The following GULP1 variants were observed in gnomAD, a reference collection of about 807,000 sequenced individuals.
GULP1 encodes GULP PTB domain containing engulfment adaptor 1.
Under a neutral mutation model 40.9 loss-of-function variants are expected in GULP1, and 19 were observed. The observed-to-expected ratio is 0.46, with a 90% CI of 0.32 to 0.68. The LOEUF is 0.68. Among genes scored for constraint, GULP1 ranks in the 30% least tolerant of loss-of-function variants. The pLI is 0.03. For missense variants in GULP1, 312 were observed against 362.2 expected (o/e 0.86, Z 1.12); for synonymous variants, 119 against 117.6 (o/e 1.01, Z -0.08).
chr2:188,432,268 T>C (rs1056355138), intron 2 of GULP1, among the ~76,000 whole-genome samples: 2 of 151,712 alleles, frequency 1.3e-5, no homozygotes, highest in African/African-American at 4.8e-5. Flanking sequence ...CATGACAAGC[T>C]CATTTATAAG....
At chr2:188,405,877 C>A (rs1047546592) in intron 2 of GULP1, among the ~76,000 whole-genome samples, 4 of 152,174 alleles carry the variant, frequency 2.6e-5, no homozygotes, top group Non-Finnish European at 5.9e-5. Flanking sequence ...GTGCAGACAT[C>A]AACTCATGCC....
chr2:188,382,548 C>G (rs750765274), intron 1 of GULP1, among the ~76,000 whole-genome samples: 2 of 152,146 alleles, frequency 1.3e-5, no homozygotes, highest in African/African-American at 2.4e-5. Context: ...CTGGGGCAAC[C>G]TAAACTGAGA....
chr2:188,340,416 G>A (rs760666040), intron 1 of GULP1, among the ~76,000 whole-genome samples: 9 of 152,158 alleles, frequency 5.9e-5, no homozygotes, highest in African/African-American at 2.2e-4. Context: ...TACCCCTCGC[G>A]GGAGGGGGAG....
At chr2:188,390,469 T>C (rs1432601299) in intron 2 of GULP1, among the ~76,000 whole-genome samples, 2 of 152,162 alleles carry the variant, frequency 1.3e-5, no homozygotes, top group African/African-American at 4.8e-5. Context: ...TTATTTGTTT[T>C]TTTCTTGCTG....
At chr2:188,377,110 T>C (rs1440287273) in intron 1 of GULP1, among the ~76,000 whole-genome samples, 1 of 151,618 alleles carries the variant, frequency 6.6e-6, no homozygotes, top group Non-Finnish European at 1.5e-5. Flanking sequence ...AGGCGGAGGT[T>C]GTGGTGAGCC....
intron 4 of GULP1, among the ~76,000 whole-genome samples, chr2:188,510,583 G>A (rs2064406537): frequency 6.6e-6 from 1 of 151,766 alleles, no homozygotes; most frequent in Admixed American, 6.6e-5. Context: ...AAGCAACTAA[G>A]AATATATTTA....
intron 1 of GULP1, among the ~76,000 whole-genome samples, chr2:188,348,404 C>T (rs2043986667): frequency 6.6e-6 from 1 of 152,106 alleles, no homozygotes; most frequent in African/African-American, 2.4e-5. Flanking sequence ...GTCATCCATC[C>T]AGTAATTGCT....
At chr2:188,310,526 A>G (rs1159231320) in intron 1 of GULP1, among the ~76,000 whole-genome samples, 1 of 152,208 alleles carries the variant, frequency 6.6e-6, no homozygotes, top group Non-Finnish European at 1.5e-5. Context: ...AGACAAGGAA[A>G]TATGAGACAA....
intron 1 of GULP1, among the ~76,000 whole-genome samples, chr2:188,378,908 A>G (rs888749393): frequency 6.6e-6 from 1 of 152,176 alleles, no homozygotes; most frequent in Non-Finnish European, 1.5e-5. Context: ...ACTGGGTAGA[A>G]GGTGTCTAAA....
At chr2:188,434,502 T>A (rs917205785) in intron 2 of GULP1, among the ~76,000 whole-genome samples, 3 of 151,468 alleles carry the variant, frequency 2.0e-5, no homozygotes, top group Non-Finnish European at 4.4e-5. Flanking sequence ...TGTTTTGGTT[T>A]ACTTCTTTGA....
intron 4 of GULP1, among the ~76,000 whole-genome samples, chr2:188,519,293 T>C (rs1165093358): frequency 6.6e-6 from 1 of 152,142 alleles, no homozygotes; most frequent in Non-Finnish European, 1.5e-5. Context: ...CAGCTAGAGG[T>C]TGATTCATTT....
chr2:188,584,043 T>C (rs1389874842), intron 9 of GULP1, among the ~76,000 whole-genome samples: 1 of 152,218 alleles, frequency 6.6e-6, no homozygotes, highest in Non-Finnish European at 1.5e-5. Context: ...TGAGAGCATT[T>C]TTACAGAAAT....
chr2:188,493,936 A>G (rs920855698), intron 4 of GULP1, among the ~76,000 whole-genome samples: 1 of 152,006 alleles, frequency 6.6e-6, no homozygotes, highest in African/African-American at 2.4e-5. Context: ...TACTTCTCTA[A>G]TAACTCAAAC....
At chr2:188,353,180 C>T (rs574354936) in intron 1 of GULP1, among the ~76,000 whole-genome samples, 1 of 152,140 alleles carries the variant, frequency 6.6e-6, no homozygotes, top group African/African-American at 2.4e-5. Flanking sequence ...TAGGAAAAGA[C>T]TTGGTAGGGA....
At chr2:188,430,448 G>A (rs551999273) in intron 2 of GULP1, among the ~76,000 whole-genome samples, 1 of 152,306 alleles carries the variant, frequency 6.6e-6, no homozygotes, top group South Asian at 2.1e-4. Context: ...AAAAGAGAAT[G>A]TGAGTTAATC....
intron 11 of GULP1, chr2:188,590,526 G>A (rs536192282): frequency 6.6e-6 from 1 of 152,244 alleles, no homozygotes; most frequent in Non-Finnish European, 1.5e-5. Context: ...AGAGTATTGT[G>A]ACTAAGCTAT....
At chr2:188,434,658 C>G (rs1194498069) in intron 2 of GULP1, among the ~76,000 whole-genome samples, 1 of 150,582 alleles carries the variant, frequency 6.6e-6, no homozygotes, top group East Asian at 1.9e-4. Context: ...TGCATTCTTT[C>G]TGGTTCATTT....
chr2:188,482,788 G>T (rs1351889364), intron 3 of GULP1, among the ~76,000 whole-genome samples: 1 of 151,136 alleles, frequency 6.6e-6, no homozygotes, highest in Admixed American at 6.6e-5. Context: ...ACTTATCTAA[G>T]AAACATTTTG....
intron 7 of GULP1, among the ~76,000 whole-genome samples, chr2:188,558,825 A>T (rs1305706095): frequency 6.6e-6 from 1 of 152,058 alleles, no homozygotes; most frequent in Non-Finnish European, 1.5e-5. Context: ...TTGCTCCTGC[A>T]CTAGAGATTT....
Sources: allele counts gnomAD v4.1 joint callset (sites outside exome capture counted in the v4.1 genomes callset), GRCh38; gene constraint gnomAD v4.1.1; transcripts MANE v1.5; gene names NCBI Gene and HGNC (gene_info 2026-07-23, HGNC 2026-07-21).